AFAP1: variants seen among roughly 807,000 people sequenced by gnomAD.
AFAP1 encodes actin filament-associated protein 1.
Under a neutral mutation model 93.9 loss-of-function variants are expected in AFAP1, and 75 were observed. The observed-to-expected ratio is 0.80, with a 90% CI of 0.66 to 0.97. The LOEUF is 0.97. Among genes scored for constraint, AFAP1 ranks in the 50% least tolerant of loss-of-function variants. The probability of loss-of-function intolerance (pLI) is 0.00; values close to 1 mark genes in which losing one functional copy is unlikely to be tolerated. For missense variants in AFAP1, 1,201 were observed against 1,050.8 expected (o/e 1.14, Z -1.98); for synonymous variants, 517 against 430.7 (o/e 1.20, Z -2.48).
chr4:7,863,011 C>T (rs932784455), intron 3 of AFAP1, among the ~76,000 whole-genome samples: 1 of 152,200 alleles, frequency 6.6e-6, no homozygotes, highest in Non-Finnish European at 1.5e-5. Context: ...CAGATGGGAT[C>T]CATTTCCCAG....
At position 7,883,601 on chromosome 4, in the gene AFAP1, T is replaced by C. The variant is rs115632881; in HGVS notation, c.-2-11521A>G. On this transcript the variant is annotated intron_variant, in intron 1 of 17. Coordinates refer to ENST00000420658, the MANE Select transcript of AFAP1 (RefSeq NM_001134647.2). ...AAAAATTATTTCTATTGGCAGCTGA[T>C]GTGAAAGTAAACCTGGTAAAGCAGG... 6.3e-3 allele frequency among the ~76,000 whole-genome samples: 963 copies of C among 152,258 alleles called. 9 individuals are homozygous for C. Among genetic ancestry groups the C allele is most frequent in the African/African-American group, 0.021 (856 of 41,530 alleles).
intron 14 of AFAP1, chr4:7,777,758 G>C (rs1356649468): frequency 6.6e-6 from 1 of 152,194 alleles, no homozygotes; most frequent in Non-Finnish European, 1.5e-5. Flanking sequence ...AAATCTTCCT[G>C]GACATGCCCA....
chr4:7,799,371 G>C (rs1197902708), intron 10 of AFAP1, among the ~76,000 whole-genome samples: 1 of 151,782 alleles, frequency 6.6e-6, no homozygotes, highest in Non-Finnish European at 1.5e-5. Context: ...TCCCTGCAAT[G>C]AACTCCTATG....
intron 1 of AFAP1, among the ~76,000 whole-genome samples, chr4:7,876,616 G>A (rs1000473761): frequency 6.6e-6 from 1 of 152,236 alleles, no homozygotes; most frequent in Admixed American, 6.5e-5. Context: ...CCCCGCAAGA[G>A]AGGAAGTGTC....
intron 10 of AFAP1, among the ~76,000 whole-genome samples, chr4:7,796,481 G>A (rs1198058537): frequency 6.6e-6 from 1 of 152,142 alleles, no homozygotes; most frequent in Non-Finnish European, 1.5e-5. Flanking sequence ...CAGGCGCAGT[G>A]GCTCACGCCT....
At chr4:7,923,793 C>A (rs1008566795) in intron 1 of AFAP1, among the ~76,000 whole-genome samples, 2 of 152,036 alleles carry the variant, frequency 1.3e-5, no homozygotes, top group Non-Finnish European at 2.9e-5. Flanking sequence ...GGCCACTGAT[C>A]CTGTCAGACC....
chr4:7,842,325 TA>T (rs899094207), intron 5 of AFAP1, among the ~76,000 whole-genome samples: 13 of 118,594 alleles, frequency 1.1e-4, no homozygotes, highest in Non-Finnish European at 2.0e-4. Flanking sequence ...AAAAAAAAGA[TA>T]AAAAAAGGAT....
chr4:7,805,424 T>A (rs1309935756), intron 9 of AFAP1, among the ~76,000 whole-genome samples: 1 of 152,190 alleles, frequency 6.6e-6, no homozygotes, highest in Non-Finnish European at 1.5e-5. Flanking sequence ...GATTTACTTG[T>A]CTGACGTTGC....
rs1201118173 is a variant in AFAP1, at chr4:7,816,235, G to A, written c.823-136C>T. ...TCATAGCAATCCAGAAGTGGTTAGA[G>A]CTTAACTATAACAAAGACTGGCTGG... is the stretch of plus-strand genomic sequence containing the variant. On this transcript the variant is annotated intron_variant, in intron 7 of 17. Coordinates refer to ENST00000420658, the MANE Select transcript of AFAP1 (RefSeq NM_001134647.2). The A allele has an allele frequency of 5.9e-6, 4 of 673,476 alleles. No homozygotes were observed. In the African/African-American group the frequency reaches 7.2e-5, roughly 12 times the overall value. The allele number at this position is 673,476 out of a possible 1,614,324, so 41.7% of individuals were successfully genotyped here.
intron 15 of AFAP1, 21 bp from the exon 16 acceptor site, chr4:7,773,031 G>A (rs768915585): frequency 1.8e-5 from 29 of 1,601,296 alleles, no homozygotes; most frequent in Admixed American, 5.0e-5. Flanking sequence ...CAGAAACGCC[G>A]TTACTCCCGC....
intron 11 of AFAP1, among the ~76,000 whole-genome samples, chr4:7,793,210 G>A (rs758329183): frequency 6.5e-4 from 99 of 152,002 alleles, no homozygotes; most frequent in Admixed American, 1.4e-3. Flanking sequence ...AGTACTTGAC[G>A]GATAGCTTTG....
intron 6 of AFAP1, among the ~76,000 whole-genome samples, chr4:7,836,327 T>C (rs146946500): frequency 6.6e-6 from 1 of 152,308 alleles, no homozygotes; most frequent in East Asian, 1.9e-4. Flanking sequence ...GCCCAAGTAC[T>C]GTAAGAGCCA....
intron 1 of AFAP1, among the ~76,000 whole-genome samples, chr4:7,924,812 A>C (rs1236036147): frequency 5.3e-5 from 8 of 152,106 alleles, no homozygotes; most frequent in East Asian, 1.9e-4. Flanking sequence ...CTCTCTCGAC[A>C]ACCCAGAAAG....
rs34185667 is a variant in AFAP1 at position 7,817,777 on chromosome 4, A to AAG, written c.822+1298_822+1299insCT. ...TATAAAGGTTAAGTAAAAAAAAAAA[A>AAG]GCAGTATAAGAAACTTTATGCATAA... On this transcript the variant is annotated intron_variant, in intron 7 of 17. Coordinates refer to ENST00000420658, the MANE Select transcript of AFAP1 (RefSeq NM_001134647.2). Among the ~76,000 whole-genome samples the AAG allele has an allele frequency of 1.9e-4, 29 of 151,680 alleles. No homozygotes were observed. In the East Asian group the frequency reaches 5.2e-3, roughly 27 times the overall value.
At chr4:7,864,217 G>A (rs1004223481) in intron 3 of AFAP1, among the ~76,000 whole-genome samples, 1 of 151,338 alleles carries the variant, frequency 6.6e-6, no homozygotes, top group African/African-American at 2.4e-5. Flanking sequence ...CTCATGTGTG[G>A]ATTTCCTGCC....
intron 6 of AFAP1, among the ~76,000 whole-genome samples, chr4:7,832,315 G>A (rs1711724970): frequency 6.6e-6 from 1 of 151,712 alleles, no homozygotes; most frequent in African/African-American, 2.4e-5. Flanking sequence ...AAGAGCCTCA[G>A]CCACTGCCAA....
At chr4:7,771,832 G>A (rs182698636) in intron 16 of AFAP1, among the ~76,000 whole-genome samples, 274 of 152,226 alleles carry the variant, frequency 1.8e-3, no homozygotes, top group African/African-American at 6.3e-3. Context: ...GGAGGTGATC[G>A]CTGGGGTGCC....
At chr4:7,845,882 G>GT (rs1363713908) in intron 4 of AFAP1, among the ~76,000 whole-genome samples, 3 of 111,124 alleles carry the variant, frequency 2.7e-5, no homozygotes, top group Non-Finnish European at 5.2e-5. Context: ...CGGCACAGGG[G>GT]TGGGGGGGGC....
At chr4:7,783,821 C>A (rs906940999) in intron 12 of AFAP1, among the ~76,000 whole-genome samples, 4 of 152,128 alleles carry the variant, frequency 2.6e-5, no homozygotes, top group Non-Finnish European at 5.9e-5. Flanking sequence ...GTGTGTAAGG[C>A]GTGCATGTGG....
Sources: gnomAD v4.1 joint callset for allele counts (sites outside exome capture counted in the v4.1 genomes callset) on GRCh38, gnomAD v4.1.1 for gene constraint, MANE v1.5 for transcripts, NCBI Gene and HGNC (gene_info 2026-07-23, HGNC 2026-07-21) for gene names.